SLC5A2: variants seen among roughly 807,000 people sequenced by gnomAD.
SLC5A2 encodes the protein sodium/glucose cotransporter 2.
Under a neutral mutation model 69.0 loss-of-function variants are expected in SLC5A2, and 67 were observed. The observed-to-expected ratio is 0.97, with a 90% CI of 0.80 to 1.19. The LOEUF is 1.19. SLC5A2 is among the 50% of genes most tolerant of loss of function. The probability of loss-of-function intolerance (pLI) is 0.00; values close to 1 mark genes in which losing one functional copy is unlikely to be tolerated. For synonymous variants in SLC5A2, 455 were observed against 395.8 expected (o/e 1.15, Z -1.78); for missense variants, 1,001 against 921.5 (o/e 1.09, Z -1.12).
intron 4 of SLC5A2, 25 bp downstream of exon 4, chr16:31,485,918 T>C: frequency 6.2e-7 from 1 of 1,612,998 alleles, no homozygotes; most frequent in Middle Eastern, 1.6e-4. Flanking sequence ...CAGATGCGAT[T>C]GGGCCCTAGA....
chr16:31,489,125 C>G lies in SLC5A2; in HGVS notation c.1452C>G (p.Gly484=), dbSNP rs1481942949. 1 of 1,608,046 alleles carries G rather than the reference C, an allele frequency of 6.2e-7. No homozygotes were observed. Among genetic ancestry groups the G allele is most frequent in the Admixed American group, 1.7e-5 (1 of 60,020 alleles). ...ALFVPRVNEQ[G]AFWGLIGGLL... ...AGGCTGACCTGTTTCCTTCGCAGGGCGCCTTCTGGGGACTCATCGGGGGCC... is the reference window on the plus strand; with the variant it reads ...AGGCTGACCTGTTTCCTTCGCAGGGGGCCTTCTGGGGACTCATCGGGGGCC... Residue 484 remains glycine, a splice_region_variant and synonymous_variant, in exon 12 of 14, where the codon GGC becomes GGG. Transcript: ENST00000330498.
chr16:31,488,901 G>C lies in SLC5A2; in HGVS notation c.1302G>C (p.Val434=). The change falls in exon 11 of 14, where the codon GTG becomes GTC. Residue 434 remains valine, a synonymous_variant. Transcript: ENST00000330498. The stretch of plus-strand genomic sequence containing the variant: ...GCAGGCTCTGGGTGGTGTTCATCGT[G>C]GTAGTGTCGGTGGCCTGGCTTCCCG... ...LVGRLWVVFI[V]VVSVAWLPVV... 1 of 1,605,410 alleles carries C rather than the reference G, an allele frequency of 6.2e-7. No individual in the cohort carries two copies.
At chr16:31,489,675 G>A in intron 12 of SLC5A2, 1 of 478,858 alleles carries the variant, frequency 2.1e-6, no homozygotes, top group South Asian at 2.1e-5. Flanking sequence ...CAAAGGGCAG[G>A]TGGCTCCAGG....
In SLC5A2 at chr16:31,490,748, A is replaced by G; in HGVS notation, c.*213A>G. ...CCCGCTGCAGTTGCCCTAAGGAAAA[A>G]TAAAGCTGCCTTTCCCCTGTCCTGC... On this transcript the variant is annotated 3_prime_UTR_variant, in exon 14 of 14. Transcript: ENST00000330498. The G allele has an allele frequency of 6.7e-7, 1 of 1,483,550 alleles. No homozygotes were observed. The highest frequency in any genetic ancestry group is 1.1e-5 in the South Asian group (1 of 87,652). The allele number at this position is 1,483,550 out of a possible 1,614,324, so 91.9% of individuals were successfully genotyped here. A position where few individuals can be genotyped will look rare whatever the true frequency, so the allele number is the denominator to read the frequency against.
chr16:31,485,558 A>G, intron 3 of SLC5A2, 171 bp from the exon 4 acceptor site: 3 of 706,098 alleles, frequency 4.2e-6, no homozygotes, highest in South Asian at 1.7e-5. Context: ...GGAGGGTGTC[A>G]GCTCTGTTCC....
intron 10 of SLC5A2, 54 bp downstream of exon 10, chr16:31,488,826 C>A (rs2082526507): frequency 6.2e-7 from 1 of 1,600,598 alleles, no homozygotes. Flanking sequence ...CGGGGGCTTG[C>A]GCACCTGCAG....
chr16:31,485,969 G>A, intron 4 of SLC5A2, 76 bp downstream of exon 4: 4 of 1,534,184 alleles, frequency 2.6e-6, no homozygotes, highest in Non-Finnish European at 3.6e-6. Flanking sequence ...ACCCTAGAGG[G>A]CGTGAGACCT....
chr16:31,485,433 A>G (rs764166831), intron 3 of SLC5A2: 27 of 516,934 alleles, frequency 5.2e-5, no homozygotes, highest in Admixed American at 1.6e-4. Context: ...GGCTCAGGTC[A>G]GTCTGAGGGG....
chr16:31,489,757 T>TGCA, intron 12 of SLC5A2: 1 of 445,250 alleles, frequency 2.2e-6, no homozygotes, highest in South Asian at 2.1e-5. Flanking sequence ...GCCGGGTTTC[T>TGCA]GCAGCAGCAG....
At position 31,489,161 on chromosome 16, in the gene SLC5A2, C is replaced by A; in HGVS notation, c.1488C>A (p.Gly496=). 1.9e-6 allele frequency: 3 copies of A among 1,609,898 alleles called. No homozygotes were observed. The highest frequency in any genetic ancestry group is 2.2e-5 in the South Asian group (2 of 91,078). ...GACTCATCGGGGGCCTGCTGATGGGCCTGGCACGCCTGATTCCCGAGTTCT... is the reference window on the plus strand; with the variant it reads ...GACTCATCGGGGGCCTGCTGATGGGACTGGCACGCCTGATTCCCGAGTTCT... ...FWGLIGGLLM[G]LARLIPEFSF... is the part of the protein sequence containing the mutation. Residue 496 remains glycine, a synonymous_variant, in exon 12 of 14, where the codon GGC becomes GGA. Coordinates refer to ENST00000330498, the MANE Select transcript of SLC5A2 (RefSeq NM_003041.4).
At chr16:31,488,303 T>G in intron 8 of SLC5A2, 80 bp from the exon 9 acceptor site, 9 of 1,599,108 alleles carry the variant, frequency 5.6e-6, no homozygotes, top group Non-Finnish European at 7.7e-6. Context: ...ACGCCTCCTC[T>G]GCTAGGATTC....
rs912666968 is a variant in SLC5A2 at position 31,487,305 on chromosome 16, C to T, written c.575-15C>T. 1.2e-6 allele frequency: 2 copies of T among 1,613,670 alleles called. No homozygotes were observed. Among genetic ancestry groups the T allele is most frequent in the Non-Finnish European group, 8.5e-7 (1 of 1,179,890 alleles). On this transcript the variant is annotated splice_polypyrimidine_tract_variant and intron_variant, in intron 5 of 13. Coordinates refer to ENST00000330498, the MANE Select transcript of SLC5A2 (RefSeq NM_003041.4). ...ATAAACAGCTGGGCTGTCCCCTGAC[C>T]CCGGCCTGTTGCAGGAGGGCTGGCC...
At chr16:31,489,386 C>T in intron 12 of SLC5A2, 48 bp downstream of exon 12, 1 of 1,535,374 alleles carries the variant, frequency 6.5e-7, no homozygotes, top group Non-Finnish European at 8.9e-7. Context: ...ACAGCACCTA[C>T]CCTCTGCTTC....
intron 1 of SLC5A2, 118 bp from the exon 2 acceptor site, chr16:31,484,555 C>A: frequency 8.6e-7 from 1 of 1,163,956 alleles, no homozygotes; most frequent in Non-Finnish European, 1.3e-6. Context: ...TGCAAACGAT[C>A]AGGGAAACTT....
At chr16:31,483,411 A>G (rs1032880394) in intron 1 of SLC5A2, 149 bp downstream of exon 1, 3 of 1,032,562 alleles carry the variant, frequency 2.9e-6, no homozygotes, top group Admixed American at 3.8e-5. Flanking sequence ...GGAAGTTCTC[A>G]GGGAGACCCA....
At chr16:31,489,374 A>G (rs1297320261) in intron 12 of SLC5A2, 36 bp downstream of exon 12, 3 of 1,571,320 alleles carry the variant, frequency 1.9e-6, no homozygotes, top group African/African-American at 1.3e-5. Context: ...GCACTGTGGG[A>G]CACAGCACCT....
In SLC5A2 at chr16:31,487,705, C is replaced by T; in HGVS notation, c.831C>T (p.Pro277=). The T allele has an allele frequency of 3.1e-6, 5 of 1,613,072 alleles. No homozygotes were observed. The highest frequency in any genetic ancestry group is 4.2e-6 in the Non-Finnish European group (5 of 1,179,948). Residue 277 remains proline, a synonymous_variant, in exon 7 of 14, where the codon CCC becomes CCT. Coordinates refer to ENST00000330498, the MANE Select transcript of SLC5A2 (RefSeq NM_003041.4). ...CCGTGACCGGGGATCTGCCGTGGCCCGCGCTGCTCCTCGGACTCACAATCG... is the reference window on the plus strand; with the variant it reads ...CCGTGACCGGGGATCTGCCGTGGCCTGCGCTGCTCCTCGGACTCACAATCG... ...RHPVTGDLPW[P]ALLLGLTIVS...
intron 5 of SLC5A2, 78 bp downstream of exon 5, chr16:31,486,353 G>C: frequency 9.1e-7 from 1 of 1,103,322 alleles, no homozygotes; most frequent in Non-Finnish European, 1.4e-6. Flanking sequence ...GGAGCTGCCA[G>C]AGGAAAGCAA....
chr16:31,489,090 CA>C (rs1408688075), intron 11 of SLC5A2, 32 bp from the exon 12 acceptor site: 3 of 1,604,184 alleles, frequency 1.9e-6, no homozygotes, highest in Non-Finnish European at 2.5e-6. Flanking sequence ...TGGGCTTGCA[CA>C]TCCTCAGCAG....
Sources: allele counts gnomAD v4.1 joint callset, GRCh38; gene constraint gnomAD v4.1.1; transcripts MANE v1.5; gene names NCBI Gene and HGNC (gene_info 2026-07-23, HGNC 2026-07-21).